The following SNTG1 variants were observed in gnomAD, a reference collection of about 807,000 sequenced individuals.
The protein encoded by SNTG1 is gamma-1-syntrophin.
In SNTG1, 39 loss-of-function variants were observed where a neutral mutation model predicts 74.7. The observed-to-expected ratio is 0.52, with a 90% CI of 0.40 to 0.68. SNTG1 has a LOEUF of 0.68. SNTG1 is among the 30% of genes least tolerant of loss of function. The pLI, the probability that SNTG1 is intolerant of heterozygous loss-of-function variation, is 0.00. For missense variants in SNTG1, 685 were observed against 609.5 expected, an observed-to-expected ratio of 1.12 and a Z score of -1.30; for synonymous variants, 254 against 217.1, an observed-to-expected ratio of 1.17 and a Z score of -1.49.
chr8:50,485,089 T>G lies in SNTG1; in HGVS notation c.364-17689T>G, dbSNP rs560841951. Among the ~76,000 whole-genome samples, 4 of 152,280 alleles carry G rather than the reference T, an allele frequency of 2.6e-5. No individual in the cohort carries two copies. The East Asian group carries it at 7.7e-4, about 30-fold the overall frequency. ...GGCCTCAGTAAACATGTGATTACATTTGATCTGATAATGGAAACTTTGCTC... is the reference window on the plus strand; with the variant it reads ...GGCCTCAGTAAACATGTGATTACATGTGATCTGATAATGGAAACTTTGCTC... On this transcript the variant is annotated intron_variant, in intron 8 of 18. Coordinates refer to ENST00000642720, the MANE Select transcript of SNTG1 (RefSeq NM_018967.5).
At chr8:50,752,762 C>T (rs1023726788) in intron 18 of SNTG1, among the ~76,000 whole-genome samples, 2 of 151,978 alleles carry the variant, frequency 1.3e-5, no homozygotes, top group Non-Finnish European at 2.9e-5. Flanking sequence ...TCAGAACCTT[C>T]CCAGGAATGT....
intron 13 of SNTG1, among the ~76,000 whole-genome samples, chr8:50,637,338 CT>C (rs1299657377): frequency 1.3e-5 from 2 of 152,012 alleles, no homozygotes; most frequent in Non-Finnish European, 2.9e-5. Flanking sequence ...CATGAGTTTA[CT>C]TTTCTTATTT....
chr8:50,210,887 G>A (rs1307261634), intron 2 of SNTG1, among the ~76,000 whole-genome samples: 1 of 152,132 alleles, frequency 6.6e-6, no homozygotes, highest in East Asian at 1.9e-4. Context: ...TTAGAAGCTA[G>A]ACCTAATTGT....
At chr8:50,720,463 A>G (rs968300491) in intron 17 of SNTG1, among the ~76,000 whole-genome samples, 3 of 152,202 alleles carry the variant, frequency 2.0e-5, no homozygotes, top group Admixed American at 6.5e-5. Context: ...TACTAGGAGT[A>G]TAACAACAGA....
chr8:50,204,743 C>T (rs550286552), intron 2 of SNTG1, among the ~76,000 whole-genome samples: 147 of 152,102 alleles, frequency 9.7e-4, no homozygotes, highest in African/African-American at 3.2e-3. Flanking sequence ...TGACAGGCCC[C>T]GGTGTGTGAT....
chr8:50,462,796 CT>C (rs869119447), intron 8 of SNTG1, among the ~76,000 whole-genome samples: 8 of 57,474 alleles, frequency 1.4e-4, no homozygotes, highest in Admixed American at 2.5e-4. Context: ...AGGTTCTACT[CT>C]TTTTTTTTTT....
chr8:50,573,673 G>T (rs531486921), intron 12 of SNTG1, among the ~76,000 whole-genome samples: 1 of 151,656 alleles, frequency 6.6e-6, no homozygotes, highest in Non-Finnish European at 1.5e-5. Flanking sequence ...TGAGTATGAA[G>T]CATATTGTTT....
At chr8:50,591,559 C>A (rs1194855956) in intron 13 of SNTG1, among the ~76,000 whole-genome samples, 1 of 152,182 alleles carries the variant, frequency 6.6e-6, no homozygotes, top group African/African-American at 2.4e-5. Context: ...GGGCGACTAT[C>A]CTGTAAGTTT....
chr8:50,289,193 G>A (rs1449695618), intron 2 of SNTG1, among the ~76,000 whole-genome samples: 1 of 152,192 alleles, frequency 6.6e-6, no homozygotes, highest in African/African-American at 2.4e-5. Context: ...ATGCGGTATG[G>A]AAAACACAGT....
At chr8:50,723,884 G>A (rs1243931951) in intron 17 of SNTG1, among the ~76,000 whole-genome samples, 1 of 152,124 alleles carries the variant, frequency 6.6e-6, no homozygotes, top group Non-Finnish European at 1.5e-5. Flanking sequence ...AATATTTGTA[G>A]TGAGACCATA....
chr8:50,020,351 C>A (rs1426978334), intron 1 of SNTG1, among the ~76,000 whole-genome samples: 1 of 152,086 alleles, frequency 6.6e-6, no homozygotes, highest in African/African-American at 2.4e-5. Flanking sequence ...GAGACACAGA[C>A]AAGGCTTCCT....
At chr8:50,075,669 C>G (rs368788627) in intron 1 of SNTG1, among the ~76,000 whole-genome samples, 1 of 152,158 alleles carries the variant, frequency 6.6e-6, no homozygotes, top group African/African-American at 2.4e-5. Flanking sequence ...AATCTTGCTG[C>G]TGCTCACTCT....
chr8:50,465,250 T>C (rs1413014780), intron 8 of SNTG1, among the ~76,000 whole-genome samples: 1 of 152,196 alleles, frequency 6.6e-6, no homozygotes, highest in Non-Finnish European at 1.5e-5. Context: ...TGTTCAAATC[T>C]AGTATATATG....
At chr8:50,626,922 A>G (rs781363002) in intron 13 of SNTG1, among the ~76,000 whole-genome samples, 2 of 152,136 alleles carry the variant, frequency 1.3e-5, no homozygotes, top group Non-Finnish European at 2.9e-5. Flanking sequence ...TATCTTTTTG[A>G]GTCATTGTGG....
chr8:50,707,985 G>A (rs2095449303), intron 16 of SNTG1: 2 of 360,664 alleles, frequency 5.5e-6, no homozygotes, highest in South Asian at 1.5e-4. Context: ...GGTGGATCAC[G>A]AGGTCAGGCG....
chr8:50,759,578 T>G (rs999158756), intron 18 of SNTG1, among the ~76,000 whole-genome samples: 4 of 152,042 alleles, frequency 2.6e-5, no homozygotes, highest in African/African-American at 9.7e-5. Context: ...CCCTTCCCCA[T>G]TGCTTGTTTT....
intron 2 of SNTG1, among the ~76,000 whole-genome samples, chr8:50,329,803 T>G (rs1316746934): frequency 6.6e-6 from 1 of 152,162 alleles, no homozygotes; most frequent in Non-Finnish European, 1.5e-5. Flanking sequence ...CTTGAATTTC[T>G]CCCTAGAAAT....
intron 9 of SNTG1, among the ~76,000 whole-genome samples, chr8:50,508,621 G>A (rs2094032560): frequency 6.6e-6 from 1 of 152,182 alleles, no homozygotes; most frequent in Non-Finnish European, 1.5e-5. Context: ...TCTAACTGGT[G>A]TGAGATGGTA....
chr8:50,306,514 G>T (rs78823893), intron 2 of SNTG1, among the ~76,000 whole-genome samples: 8,023 of 151,992 alleles, frequency 0.053, 237 homozygotes, highest in Middle Eastern at 0.12. Flanking sequence ...ACTCTCAAAA[G>T]CAGTGTATAA....
Sources: allele counts gnomAD v4.1 joint callset (sites outside exome capture counted in the v4.1 genomes callset), GRCh38; gene constraint gnomAD v4.1.1; transcripts MANE v1.5; gene names NCBI Gene and HGNC (gene_info 2026-07-23, HGNC 2026-07-21).